The following RBFOX1 variants were observed in gnomAD, a reference collection of about 807,000 sequenced individuals.
RBFOX1 encodes RNA binding fox-1 homolog 1, also known as RNA binding protein fox-1 homolog 1.
In RBFOX1, 8 loss-of-function variants were observed where a neutral mutation model predicts 57.7. The ratio of observed to expected loss-of-function variants is 0.14; its 90% CI spans 0.08 to 0.25. RBFOX1 has a LOEUF of 0.25. RBFOX1 is among the 10% of genes least tolerant of loss of function. RBFOX1 has a pLI of 1.00. For missense variants in RBFOX1, 611 were observed against 548.5 expected (o/e 1.11, Z -1.14); for synonymous variants, 326 against 222.4 (o/e 1.47, Z -4.15).
chr16:7,653,935 C>T lies in RBFOX1; in HGVS notation c.878C>T (p.Pro293Leu), dbSNP rs1157311700. 1 of 1,531,772 alleles carries T rather than the reference C, an allele frequency of 6.5e-7. No homozygotes were observed. The highest frequency in any genetic ancestry group is 2.0e-5 in the Admixed American group (1 of 50,122). 94.9% of individuals were successfully genotyped at this position (1,531,772 alleles called of 1,614,324 possible). A position where few individuals can be genotyped will look rare whatever the true frequency, so the allele number is the denominator to read the frequency against. Residue 293 changes from proline to leucine, a missense_variant, in exon 12 of 16, where the codon CCG becomes CTG. Physicochemically the swap from Pro to Leu is moderately conservative, Grantham distance 98 (BLOSUM62 -3). Around this residue, in one of 3 missense-constraint regions of RBFOX1, gnomAD observed 267 missense variants for 229.1 expected, o/e 1.17. Coordinates refer to ENST00000550418, the MANE Select transcript of RBFOX1 (RefSeq NM_018723.4). ...GCCGCGGCGCCCCCGCCCCCGATCC[C>T]GGCCTACGGCGGGTAAGTGGGGCAG... ...FRAAAPPPPI[P>L]AYGGVVYQDG...
chr16:5,327,474 C>T (rs374866187), intron 1 of RBFOX1, among the ~76,000 whole-genome samples: 7 of 152,334 alleles, frequency 4.6e-5, no homozygotes, highest in South Asian at 2.1e-4. Flanking sequence ...CAATTAAAAG[C>T]GTGTTCACTC....
At chr16:5,985,570 GC>G (rs1251108875) in intron 4 of RBFOX1, among the ~76,000 whole-genome samples, 1 of 152,204 alleles carries the variant, frequency 6.6e-6, no homozygotes, top group Non-Finnish European at 1.5e-5. Context: ...AACCCAGGCA[GC>G]CAGCTCCAAG....
At chr16:7,185,450 A>G (rs2083527158) in intron 4 of RBFOX1, among the ~76,000 whole-genome samples, 1 of 152,200 alleles carries the variant, frequency 6.6e-6, no homozygotes, top group Non-Finnish European at 1.5e-5. Context: ...GCAAATGGTA[A>G]GACTAGATTA....
intron 1 of RBFOX1, among the ~76,000 whole-genome samples, chr16:6,121,882 G>T (rs769055294): frequency 1.3e-5 from 2 of 152,152 alleles, no homozygotes; most frequent in African/African-American, 4.8e-5. Flanking sequence ...GACAGAGTTA[G>T]TAGTCAATGA....
chr16:5,718,413 T>G (rs1374401377), intron 3 of RBFOX1, among the ~76,000 whole-genome samples: 3 of 152,212 alleles, frequency 2.0e-5, no homozygotes, highest in African/African-American at 4.8e-5. Flanking sequence ...GTTAAGCCAC[T>G]GAGTTTTGGT....
chr16:6,741,700 C>G (rs754226768), intron 3 of RBFOX1, among the ~76,000 whole-genome samples: 1 of 151,494 alleles, frequency 6.6e-6, no homozygotes, highest in Non-Finnish European at 1.5e-5. Context: ...GATGTGGTCT[C>G]TGAACAATCC....
chr16:7,441,012 A>G (rs753181768), intron 4 of RBFOX1, among the ~76,000 whole-genome samples: 1 of 151,932 alleles, frequency 6.6e-6, no homozygotes, highest in Non-Finnish European at 1.5e-5. Flanking sequence ...ACTGTGCTTC[A>G]GCATGGGTGA....
chr16:6,317,739 G>A (rs907885603), intron 2 of RBFOX1, among the ~76,000 whole-genome samples: 2 of 151,960 alleles, frequency 1.3e-5, no homozygotes, highest in African/African-American at 4.8e-5. Flanking sequence ...CTAGCATTTG[G>A]GGTAGCACCT....
At chr16:6,730,296 T>G (rs767375964) in intron 3 of RBFOX1, among the ~76,000 whole-genome samples, 1 of 152,110 alleles carries the variant, frequency 6.6e-6, no homozygotes, top group Non-Finnish European at 1.5e-5. Flanking sequence ...GTAGCAATGG[T>G]GAGAATCCCT....
chr16:7,546,197 C>T (rs964764911), intron 5 of RBFOX1, among the ~76,000 whole-genome samples: 34 of 151,766 alleles, frequency 2.2e-4, no homozygotes, highest in East Asian at 1.7e-3. Flanking sequence ...CATGGTGGCA[C>T]GGGCCAGTAA....
chr16:7,526,875 A>G (rs1270604761), intron 5 of RBFOX1, among the ~76,000 whole-genome samples: 1 of 152,210 alleles, frequency 6.6e-6, no homozygotes, highest in Non-Finnish European at 1.5e-5. Flanking sequence ...GAGCTCAAAA[A>G]CAGGCATGTC....
At chr16:5,889,834 G>T (rs2058002587) in intron 4 of RBFOX1, among the ~76,000 whole-genome samples, 1 of 152,204 alleles carries the variant, frequency 6.6e-6, no homozygotes, top group African/African-American at 2.4e-5. Flanking sequence ...ACAGCCTGTA[G>T]TCGAGTGGTT....
chr16:6,359,730 G>C (rs1021680872), intron 2 of RBFOX1, among the ~76,000 whole-genome samples: 10 of 152,064 alleles, frequency 6.6e-5, no homozygotes, highest in Non-Finnish European at 1.5e-5. Context: ...AAGGGATCAG[G>C]CGTGTATATA....
chr16:5,492,822 A>G (rs990739894), intron 2 of RBFOX1, among the ~76,000 whole-genome samples: 1 of 152,244 alleles, frequency 6.6e-6, no homozygotes, highest in African/African-American at 2.4e-5. Context: ...CCATTAAACC[A>G]TCAATAGTGC....
At position 5,424,845 on chromosome 16, in the gene RBFOX1, CTT is replaced by C. The variant is rs1030429430; in HGVS notation, c.220-42369_220-42368del. Among the ~76,000 whole-genome samples the C allele has an allele frequency of 3.7e-3, 552 of 150,830 alleles. 27 individuals carry two copies. Among genetic ancestry groups the C allele is most frequent in the African/African-American group, 0.013 (513 of 40,662 alleles). On this transcript the variant is annotated intron_variant, in intron 1 of 2. Coordinates refer to the RBFOX1 transcript ENST00000585867. The stretch of plus-strand genomic sequence containing the variant: ...TCTCCTCTCCTCTCTTTCTTTCTTT[CTT>C]TCTCTCTCTCTCTTCTTTCTTTCTT...
At chr16:5,384,509 A>G (rs558163448) in intron 1 of RBFOX1, among the ~76,000 whole-genome samples, 6 of 152,324 alleles carry the variant, frequency 3.9e-5, no homozygotes, top group Admixed American at 1.3e-4. Context: ...TTTACCAGAG[A>G]GAGCAAGAGT....
chr16:6,485,669 C>G (rs555713581), intron 2 of RBFOX1, among the ~76,000 whole-genome samples: 5 of 152,296 alleles, frequency 3.3e-5, no homozygotes, highest in South Asian at 4.1e-4. Flanking sequence ...AACCAAGCAA[C>G]TAGACTCTTT....
chr16:7,219,161 C>T (rs1016884360), intron 4 of RBFOX1, among the ~76,000 whole-genome samples: 2 of 152,134 alleles, frequency 1.3e-5, no homozygotes, highest in African/African-American at 2.4e-5. Context: ...TGTTAATTCA[C>T]CCCCATGAAA....
intron 4 of RBFOX1, among the ~76,000 whole-genome samples, chr16:6,009,802 A>ATGTGTGTGTGTGTC (rs1387155814): frequency 5.1e-5 from 3 of 58,596 alleles, no homozygotes; most frequent in East Asian, 8.8e-4. Flanking sequence ...CAGTGTGTGT[A>ATGTGTGTGTGTGTC]TGTGTGTGTG....
Sources: gnomAD v4.1 joint callset for allele counts (sites outside exome capture counted in the v4.1 genomes callset) on GRCh38, gnomAD v4.1.1 for gene constraint, gnomAD v4.1.1 regional missense constraint, MANE v1.5 for transcripts, NCBI Gene and HGNC (gene_info 2026-07-23, HGNC 2026-07-21) for gene names.